The following SLC4A4 variants were observed in gnomAD, a reference collection of about 807,000 sequenced individuals.
SLC4A4 encodes the protein electrogenic sodium bicarbonate cotransporter 1.
In SLC4A4, 27 loss-of-function variants were observed where a neutral mutation model predicts 111.5. The ratio of observed to expected loss-of-function variants is 0.24; its 90% confidence interval spans 0.18 to 0.33. The LOEUF is 0.33. SLC4A4 is among the 10% of genes least tolerant of loss of function. The pLI is 1.00. For missense variants in SLC4A4, 909 were observed against 1,315.5 expected (o/e 0.69, Z 4.78); for synonymous variants, 443 against 463.4 (o/e 0.96, Z 0.57).
At chr4:71,273,319 A>G (rs1157054172) in intron 3 of SLC4A4, among the ~76,000 whole-genome samples, 1 of 152,198 alleles carries the variant, frequency 6.6e-6, no homozygotes, top group Non-Finnish European at 1.5e-5. Flanking sequence ...TTCATATGCA[A>G]GTACTTTTAA....
At chr4:71,271,603 G>A (rs1722705313) in intron 3 of SLC4A4, among the ~76,000 whole-genome samples, 1 of 152,140 alleles carries the variant, frequency 6.6e-6, no homozygotes, top group African/African-American at 2.4e-5. Context: ...GGCACAATCA[G>A]TTACATATTT....
intron 6 of SLC4A4, among the ~76,000 whole-genome samples, chr4:71,369,132 T>C (rs1486331966): frequency 6.6e-6 from 1 of 151,708 alleles, no homozygotes. Flanking sequence ...CAGCGTGGGA[T>C]GGCTAAGTAA....
intron 2 of SLC4A4, among the ~76,000 whole-genome samples, chr4:71,248,723 T>C: frequency 6.6e-6 from 1 of 152,214 alleles, no homozygotes. Context: ...ACATATTCAC[T>C]AATTCAGACT....
chr4:71,533,385 G>C (rs911931791), intron 17 of SLC4A4, among the ~76,000 whole-genome samples: 2 of 152,150 alleles, frequency 1.3e-5, no homozygotes, highest in Admixed American at 1.3e-4. Flanking sequence ...AGAATTATGA[G>C]ACAGATGATG....
At chr4:71,376,074 C>T (rs554434885) in intron 6 of SLC4A4, among the ~76,000 whole-genome samples, 3 of 145,508 alleles carry the variant, frequency 2.1e-5, no homozygotes, top group East Asian at 2.0e-4. Context: ...TACATATACA[C>T]GTATATATAT....
intron 1 of SLC4A4, among the ~76,000 whole-genome samples, chr4:71,063,934 A>G (rs1241025472): frequency 6.6e-6 from 1 of 152,126 alleles, no homozygotes; most frequent in Non-Finnish European, 1.5e-5. Context: ...GTCAGGGAGC[A>G]TTTGTAAAGT....
At chr4:71,488,558 A>G (rs966461080) in intron 15 of SLC4A4, among the ~76,000 whole-genome samples, 3 of 151,742 alleles carry the variant, frequency 2.0e-5, no homozygotes, top group South Asian at 2.1e-4. Context: ...ATAACCATCA[A>G]CATAAACTAC....
intron 1 of SLC4A4, among the ~76,000 whole-genome samples, chr4:71,069,933 G>C (rs1403643700): frequency 6.6e-6 from 1 of 152,104 alleles, no homozygotes; most frequent in African/African-American, 2.4e-5. Context: ...TCTCAATGCA[G>C]ATGCTGTAAG....
At chr4:71,336,419 T>C (rs1471877782) in intron 3 of SLC4A4, among the ~76,000 whole-genome samples, 1 of 152,216 alleles carries the variant, frequency 6.6e-6, no homozygotes, top group Non-Finnish European at 1.5e-5. Context: ...TATAAAGGTA[T>C]AGGGAAATGG....
At chr4:71,335,819 T>C (rs1264988446) in intron 3 of SLC4A4, among the ~76,000 whole-genome samples, 1 of 150,350 alleles carries the variant, frequency 6.7e-6, no homozygotes, top group Non-Finnish European at 1.5e-5. Context: ...TGTGAGACTC[T>C]GTCTCAAAAA....
At chr4:71,439,638 A>G (rs1225767550) in intron 7 of SLC4A4, among the ~76,000 whole-genome samples, 8 of 151,244 alleles carry the variant, frequency 5.3e-5, no homozygotes, top group Admixed American at 4.6e-4. Flanking sequence ...CCCCTTTTTC[A>G]GTGTTCTCTG....
chr4:71,383,206 A>T (rs565527846), intron 6 of SLC4A4, among the ~76,000 whole-genome samples: 5 of 152,190 alleles, frequency 3.3e-5, no homozygotes, highest in Non-Finnish European at 7.3e-5. Context: ...AGCTAAGACC[A>T]TACTTTCCTC....
intron 14 of SLC4A4, among the ~76,000 whole-genome samples, chr4:71,476,009 T>C (rs1253539636): frequency 4.0e-5 from 6 of 151,836 alleles, no homozygotes; most frequent in Admixed American, 3.9e-4. Flanking sequence ...GTTGTACCTC[T>C]TATTGGTACT....
intron 3 of SLC4A4, among the ~76,000 whole-genome samples, chr4:71,287,033 AGTT>A (rs1326699009): frequency 6.6e-6 from 1 of 152,110 alleles, no homozygotes; most frequent in Non-Finnish European, 1.5e-5. Flanking sequence ...CTGACACTGG[AGTT>A]CATGCTTTCA....
intron 1 of SLC4A4, among the ~76,000 whole-genome samples, chr4:71,070,033 A>C (rs1020663095): frequency 3.9e-5 from 6 of 152,210 alleles, no homozygotes; most frequent in African/African-American, 1.4e-4. Flanking sequence ...AGGTCAAAGA[A>C]TCAGAAGATT....
Position 71,548,576 on chromosome 4 carries a change from G to A in SLC4A4, c.2694+856G>A, listed in dbSNP as rs78993076. 6.8e-3 allele frequency among the ~76,000 whole-genome samples: 1,035 copies of A among 151,796 alleles called. 8 individuals are homozygous for A. The highest frequency in any genetic ancestry group is 0.011 in the Non-Finnish European group (743 of 67,856). ...TTTGTATCTTATGCTTTATACTACA[G>A]TACAAAGCATGCAATTCACCCATGG... On this transcript the variant is annotated intron_variant, in intron 20 of 25. Transcript: ENST00000264485.
chr4:71,555,529 A>T (rs908121623), intron 21 of SLC4A4, among the ~76,000 whole-genome samples: 1 of 151,894 alleles, frequency 6.6e-6, no homozygotes, highest in Non-Finnish European at 1.5e-5. Context: ...CAGGAAGGAT[A>T]CCTAACTCTT....
At chr4:71,322,292 G>A (rs149805713) in intron 3 of SLC4A4, among the ~76,000 whole-genome samples, 35 of 152,040 alleles carry the variant, frequency 2.3e-4, no homozygotes, top group South Asian at 1.2e-3. Context: ...TTGGCAATGT[G>A]GGGATGAAGT....
At chr4:71,205,771 T>G (rs182185054) in intron 1 of SLC4A4, among the ~76,000 whole-genome samples, 15 of 152,322 alleles carry the variant, frequency 9.8e-5, no homozygotes, top group Admixed American at 9.8e-4. Flanking sequence ...TCTAATGTTT[T>G]TCTCTTATCA....
Sources: allele counts gnomAD v4.1 joint callset (sites outside exome capture counted in the v4.1 genomes callset), GRCh38; gene constraint gnomAD v4.1.1; transcripts MANE v1.5; gene names NCBI Gene and HGNC (gene_info 2026-07-23, HGNC 2026-07-21).